TRMT5: variants seen among roughly 807,000 people sequenced by gnomAD.
TRMT5 encodes the protein tRNA methyltransferase 5.
Under a neutral mutation model 42.2 loss-of-function variants are expected in TRMT5, and 31 were observed. That is an observed-to-expected ratio of 0.73 (90% confidence interval 0.55 to 0.99). The LOEUF is 0.99. TRMT5 is among the 50% of genes least tolerant of loss of function. The pLI, the probability that TRMT5 is intolerant of heterozygous loss-of-function variation, is 0.00. For missense variants in TRMT5, 568 were observed against 595.0 expected (o/e 0.95, Z 0.47); for synonymous variants, 198 against 209.6 (o/e 0.94, Z 0.48).
chr14:60,976,158 T>G (rs2036844296), intron 3 of TRMT5, 32 bp from the exon 4 acceptor site: 1 of 1,578,098 alleles, frequency 6.3e-7, no homozygotes, highest in South Asian at 1.2e-5. Flanking sequence ...TTTGGTTAAT[T>G]TCCTTGGTCC....
Position 60,974,941 on chromosome 14 carries a change from T to G in TRMT5, c.*168A>C. 2.5e-6 allele frequency: 1 copy of G among 405,958 alleles called. No individual in the cohort carries two copies. Among genetic ancestry groups the G allele is most frequent in the Non-Finnish European group, 4.5e-6 (1 of 223,658 alleles). 25.1% of individuals were successfully genotyped at this position (405,958 alleles called of 1,614,324 possible). ...ATAATTTAGATAACAGGGAATGTATTTGGTAGCCTTAGTTCAGTTAAAGTT... is the reference window on the plus strand; with the variant it reads ...ATAATTTAGATAACAGGGAATGTATGTGGTAGCCTTAGTTCAGTTAAAGTT... On this transcript the variant is annotated 3_prime_UTR_variant, in exon 5 of 5. Coordinates refer to ENST00000261249, the MANE Select transcript of TRMT5 (RefSeq NM_020810.3).
chr14:60,975,724 A>C lies in TRMT5; in HGVS notation c.1195T>G (p.Phe399Val). The C allele has an allele frequency of 6.2e-7, 1 of 1,614,226 alleles. No individual in the cohort carries two copies. The highest frequency in any genetic ancestry group is 8.5e-7 in the Non-Finnish European group (1 of 1,180,036). The change falls in exon 4 of 5, where the codon TTC becomes GTC. Residue 399 changes from phenylalanine to valine, a missense_variant. Coordinates refer to ENST00000261249, the MANE Select transcript of TRMT5 (RefSeq NM_020810.3). ...GGCTGCCCATCTAAAAGCCACTTGA[A>C]AGCACTAAGAAACTCTATAGCTTTT... The part of the protein sequence containing the change: ...PAKAIEFLSA[F>V]KWLLDGQPCS...
At position 60,972,130 on chromosome 14, in the gene TRMT5, C is replaced by T; in HGVS notation, c.*2979G>A. 2.6e-6 allele frequency: 1 copy of T among 381,312 alleles called. No homozygotes were observed. Among genetic ancestry groups the T allele is most frequent in the Admixed American group, 3.4e-5 (1 of 29,128 alleles). 23.6% of individuals were successfully genotyped at this position (381,312 alleles called of 1,614,324 possible). A position where few individuals can be genotyped will look rare whatever the true frequency, so the allele number is the denominator to read the frequency against. On this transcript the variant is annotated 3_prime_UTR_variant, in exon 5 of 5. Transcript: ENST00000261249. ...AAACAACAATGAAGTGTTCTGTGTG[C>T]TAACAACATAGCTTAAAAAAAGTAA...
At chr14:60,978,038 C>T (rs112085821) in intron 2 of TRMT5, among the ~76,000 whole-genome samples, 8 of 152,200 alleles carry the variant, frequency 5.3e-5, no homozygotes, top group African/African-American at 1.7e-4. Flanking sequence ...AAACATCTGC[C>T]GGTTCCACTG....
chr14:60,979,358 A>G lies in TRMT5; in HGVS notation c.540T>C (p.Phe180=). The G allele has an allele frequency of 1.2e-6, 2 of 1,614,162 alleles. No homozygotes were observed. Among genetic ancestry groups the G allele is most frequent in the Non-Finnish European group, 1.7e-6 (2 of 1,180,002 alleles). The change falls in exon 2 of 5, where the codon TTT becomes TTC. Residue 180 remains phenylalanine, a synonymous_variant. Transcript: ENST00000261249. ...KYNLELTYEH[F]KSEEILRAVL... ...CAGCTCTCAAGATTTCTTCTGACTT[A>G]AAGTGTTCATATGTTAGTTCCAAAT...
In TRMT5 at chr14:60,980,948, C is replaced by T. The variant is rs1419932720; in HGVS notation, c.11+15G>A. On this transcript the variant is annotated intron_variant, in intron 1 of 4. Transcript: ENST00000261249. ...TCCCCTGGACCATTAGCCCCTAACGCGGCCGCCACCTCACCAAAGCACCAT... is the reference window on the plus strand; with the variant it reads ...TCCCCTGGACCATTAGCCCCTAACGTGGCCGCCACCTCACCAAAGCACCAT... 1 of 1,612,604 alleles carries T rather than the reference C, an allele frequency of 6.2e-7. No homozygotes were observed. Among genetic ancestry groups the T allele is most frequent in the Non-Finnish European group, 8.5e-7 (1 of 1,180,024 alleles).
rs2036826462 is a variant in TRMT5 at position 60,975,179 on chromosome 14, G to A, written c.1460C>T (p.Pro487Leu). 1.9e-6 allele frequency: 3 copies of A among 1,606,490 alleles called. No homozygotes were observed. Among genetic ancestry groups the A allele is most frequent in the South Asian group, 1.1e-5 (1 of 89,812 alleles). ...AGCCGTCCTCTGCCTTTTAAGAGGTGGATCTTCATGATTCTCTGTAATAAA... is the reference window on the plus strand; with the variant it reads ...AGCCGTCCTCTGCCTTTTAAGAGGTAGATCTTCATGATTCTCTGTAATAAA... ...QTRNPENHED[P>L]PLKRQRTAEA... is the part of the protein sequence containing the mutation. The change falls in exon 5 of 5, where the codon CCA (proline) becomes CTA (leucine). Residue 487 changes from proline (P) to leucine (L), a missense_variant. Transcript: ENST00000261249.
intron 3 of TRMT5, 62 bp from the exon 4 acceptor site, chr14:60,976,188 T>C: frequency 6.6e-7 from 1 of 1,523,752 alleles, no homozygotes. Context: ...ACCATTGATA[T>C]TGGATAGGTT....
chr14:60,977,473 T>G (rs768551579), intron 3 of TRMT5, 41 bp downstream of exon 3: 2 of 1,559,434 alleles, frequency 1.3e-6, no homozygotes, highest in Non-Finnish European at 1.7e-6. Flanking sequence ...ACTCTAAACA[T>G]AATATTGATA....
chr14:60,975,998 A>G lies in TRMT5; in HGVS notation c.921T>C (p.Ala307=). 1 of 1,614,244 alleles carries G rather than the reference A, an allele frequency of 6.2e-7. No homozygotes were observed. The highest frequency in any genetic ancestry group is 8.5e-7 in the Non-Finnish European group (1 of 1,180,042). ...KPGDVLFDVF[A]GVGPFAIPVA... is the part of the protein sequence containing the mutation. Reference sequence around the variant, plus strand: ...CTGGAATGGCAAAGGGCCCAACCCCAGCAAAAACATCAAATAGGACATCCC... The same window carrying G: ...CTGGAATGGCAAAGGGCCCAACCCCGGCAAAAACATCAAATAGGACATCCC... The change falls in exon 4 of 5, where the codon GCT becomes GCC. Residue 307 remains alanine, a synonymous_variant. Transcript: ENST00000261249.
chr14:60,979,414 G>A lies in TRMT5; in HGVS notation c.484C>T (p.Leu162Phe), dbSNP rs1267959884. Residue 162 changes from leucine (L) to phenylalanine (F), a missense_variant, in exon 2 of 5, where the codon CTT (leucine) becomes TTT (phenylalanine). Transcript: ENST00000261249. ...TTAGAGATCTGTGGACTGACATTAAGCTGCTCTAAAACACTGAGTTCTGCT... is the reference window on the plus strand; with the variant it reads ...TTAGAGATCTGTGGACTGACATTAAACTGCTCTAAAACACTGAGTTCTGCT... The part of the protein sequence containing the change: ...EKAELSVLEQ[L>F]NVSPQISKYN... 6.2e-7 allele frequency: 1 copy of A among 1,613,964 alleles called. No homozygotes were observed. Among genetic ancestry groups the A allele is most frequent in the Non-Finnish European group, 8.5e-7 (1 of 1,180,004 alleles).
chr14:60,977,646 A>T lies in TRMT5; in HGVS notation c.668-8T>A. On this transcript the variant is annotated splice_polypyrimidine_tract_variant and splice_region_variant and intron_variant, in intron 2 of 4. Transcript: ENST00000261249. ...TGTCAATCATAACCTGGCCTAAAAG[A>T]AAAAATGAAAATCCATAATACTGCC... The T allele has an allele frequency of 6.3e-7, 1 of 1,587,910 alleles. No homozygotes were observed. Among genetic ancestry groups the T allele is most frequent in the East Asian group, 2.2e-5 (1 of 44,570 alleles).
chr14:60,980,639 T>G (rs1349503505), intron 1 of TRMT5, among the ~76,000 whole-genome samples: 2 of 152,182 alleles, frequency 1.3e-5, no homozygotes, highest in Admixed American at 1.3e-4. Flanking sequence ...AGAATTTACT[T>G]GTAAGGGGAA....
chr14:60,981,015 AC>A lies in TRMT5; in HGVS notation c.-43del, dbSNP rs2036966988. On this transcript the variant is annotated 5_prime_UTR_variant, in exon 1 of 5. Transcript: ENST00000261249. ...GCTCTGCAGCTGGATCCGCGAGCCG[AC>A]CCCTCACCTCCCGCTCCGGTACCGA... 3 of 1,611,026 alleles carry A rather than the reference AC, an allele frequency of 1.9e-6. No individual in the cohort carries two copies. Among genetic ancestry groups the A allele is most frequent in the Non-Finnish European group, 2.5e-6 (3 of 1,179,982 alleles).
At chr14:60,979,931 AT>A in intron 1 of TRMT5, 45 bp from the exon 2 acceptor site, 1 of 1,502,146 alleles carries the variant, frequency 6.7e-7, no homozygotes, top group Non-Finnish European at 8.8e-7. Context: ...GCTTTTGAGA[AT>A]AAAAATCTAA....
Position 60,974,941 on chromosome 14 carries a change from T to C in TRMT5, c.*168A>G, listed in dbSNP as rs546654919. 2.0e-5 allele frequency: 8 copies of C among 405,958 alleles called. No homozygotes were observed. Among genetic ancestry groups the C allele is most frequent in the South Asian group, 8.6e-5 (1 of 11,646 alleles). 25.1% of individuals were successfully genotyped at this position (405,958 alleles called of 1,614,324 possible). ...ATAATTTAGATAACAGGGAATGTATTTGGTAGCCTTAGTTCAGTTAAAGTT... is the reference window on the plus strand; with the variant it reads ...ATAATTTAGATAACAGGGAATGTATCTGGTAGCCTTAGTTCAGTTAAAGTT... On this transcript the variant is annotated 3_prime_UTR_variant, in exon 5 of 5. Transcript: ENST00000261249.
chr14:60,979,205 C>T (rs2036885535), intron 2 of TRMT5, 26 bp downstream of exon 2: 1 of 1,523,592 alleles, frequency 6.6e-7, no homozygotes, highest in Non-Finnish European at 8.8e-7. Flanking sequence ...CCTTCAAATA[C>T]ATGAATATTA....
Position 60,980,990 on chromosome 14 carries a change from G to T in TRMT5, c.-17C>A. ...AAGCACCATTCCAATTCCCCACGTC[G>T]CTCTGCAGCTGGATCCGCGAGCCGA... On this transcript the variant is annotated 5_prime_UTR_variant, in exon 1 of 5. Coordinates refer to ENST00000261249, the MANE Select transcript of TRMT5 (RefSeq NM_020810.3). The T allele has an allele frequency of 6.2e-7, 1 of 1,611,034 alleles. No homozygotes were observed. The highest frequency in any genetic ancestry group is 8.5e-7 in the Non-Finnish European group (1 of 1,180,006).
At position 60,976,082 on chromosome 14, in the gene TRMT5, G is replaced by A; in HGVS notation, c.837C>T (p.Val279=). ...CTGTAGACAGACGAGGATTCCAATA[G>A]ACTTTTGAAAAATCAAATTCATAGG... is the stretch of plus-strand genomic sequence containing the variant. ...NYTYEFDFSK[V]YWNPRLSTEH... The change falls in exon 4 of 5, where the codon GTC becomes GTT. Residue 279 remains valine, a synonymous_variant. Transcript: ENST00000261249. The A allele has an allele frequency of 6.2e-7, 1 of 1,611,344 alleles. No individual in the cohort carries two copies. The highest frequency in any genetic ancestry group is 1.1e-5 in the South Asian group (1 of 90,654).
Sources: gnomAD v4.1 joint callset for allele counts (sites outside exome capture counted in the v4.1 genomes callset) on GRCh38, gnomAD v4.1.1 for gene constraint, MANE v1.5 for transcripts, NCBI Gene and HGNC (gene_info 2026-07-23, HGNC 2026-07-21) for gene names.